Variants in ACSS2 observed in about 807,000 individuals in gnomAD.
The protein encoded by ACSS2 is acetyl-coenzyme A synthetase, cytoplasmic.
ACSS2 carries 58 observed loss-of-function variants against 90.6 expected under a neutral mutation model. The observed-to-expected ratio is 0.64, with a 90% CI of 0.52 to 0.80. ACSS2 has a LOEUF of 0.80. Among genes scored for constraint, ACSS2 ranks in the 30% least tolerant of loss-of-function variants. The pLI is 0.00. For missense variants in ACSS2, 759 were observed against 912.0 expected (o/e 0.83, Z 2.16); for synonymous variants, 300 against 330.9 (o/e 0.91, Z 1.01).
chr20:34,892,920 G>A (rs2146999883), intron 2 of ACSS2, among the ~76,000 whole-genome samples: 1 of 152,256 alleles, frequency 6.6e-6, no homozygotes, highest in South Asian at 2.1e-4. Context: ...GTGATACTGA[G>A]TCCACAGTCT....
intron 1 of ACSS2, among the ~76,000 whole-genome samples, chr20:34,881,555 A>G (rs1238806576): frequency 6.6e-6 from 1 of 152,162 alleles, no homozygotes; most frequent in Non-Finnish European, 1.5e-5. Context: ...TGCCCAGTTT[A>G]TGCATCAATT....
chr20:34,876,769 C>G lies in ACSS2; in HGVS notation c.124C>G (p.Pro42Ala). 2.1e-6 allele frequency: 3 copies of G among 1,413,070 alleles called. No individual in the cohort carries two copies. The highest frequency in any genetic ancestry group is 2.8e-6 in the Non-Finnish European group (3 of 1,074,238). 87.5% of individuals were successfully genotyped at this position (1,413,070 alleles called of 1,614,324 possible). The change falls in exon 1 of 18, where the codon CCC (proline) becomes GCC (alanine). Residue 42 changes from proline to alanine, a missense_variant. Physicochemically the swap from Pro to Ala is conservative, Grantham distance 27. Transcript: ENST00000360596. ...PPEVSRSAHV[P>A]SLQRYRELHR... ...CGAGGTCAGCCGCTCCGCGCACGTCCCCTCGCTGCAGCGCTACCGCGAGCT... is the reference window on the plus strand; with the variant it reads ...CGAGGTCAGCCGCTCCGCGCACGTCGCCTCGCTGCAGCGCTACCGCGAGCT...
chr20:34,877,835 A>T (rs2024634), intron 1 of ACSS2, among the ~76,000 whole-genome samples: 106 of 82,610 alleles, frequency 1.3e-3, no homozygotes, highest in East Asian at 1.9e-3. Context: ...AAAAAAAAAA[A>T]AAAAAAAAAA....
rs2081153756 is a variant in ACSS2, at chr20:34,919,637, A to G, written c.972+65A>G. ...TGTGTGTGTATTATGTAGGGGTAAG[A>G]AGTAAGTTTCTGAGGAAACAAGTAA... On this transcript the variant is annotated intron_variant, in intron 8 of 17. Coordinates refer to ENST00000360596, the MANE Select transcript of ACSS2 (RefSeq NM_018677.4). The G allele has an allele frequency of 2.6e-6, 4 of 1,514,210 alleles. No individual in the cohort carries two copies. In the Admixed American group the frequency reaches 6.1e-5, roughly 23 times the overall value. The allele number at this position is 1,514,210 out of a possible 1,614,324, so 93.8% of individuals were successfully genotyped here. A position where few individuals can be genotyped will look rare whatever the true frequency, so the allele number is the denominator to read the frequency against.
chr20:34,896,713 T>C (rs2080469677), intron 2 of ACSS2, among the ~76,000 whole-genome samples: 1 of 152,222 alleles, frequency 6.6e-6, no homozygotes, highest in African/African-American at 2.4e-5. Flanking sequence ...CATAGGACTC[T>C]AGTGCTAGAA....
chr20:34,875,393 A>C (rs975440245), upstream of ACSS2, among the ~76,000 whole-genome samples: 10 of 152,170 alleles, frequency 6.6e-5, no homozygotes, highest in Non-Finnish European at 1.0e-4. Context: ...ACATGGTGAA[A>C]TCCCATCTCT....
chr20:34,906,354 A>C lies in ACSS2; in HGVS notation c.375-6742A>C, dbSNP rs6120760. On this transcript the variant is annotated intron_variant, in intron 2 of 17. Transcript: ENST00000360596. ...CGTCTCAAAAAAAAAAAAAAAAAAGAGTTCTGATATCCTAGAGGGCTTGGG... is the reference window on the plus strand; with the variant it reads ...CGTCTCAAAAAAAAAAAAAAAAAAGCGTTCTGATATCCTAGAGGGCTTGGG... Among the ~76,000 whole-genome samples the C allele has an allele frequency of 1.2e-3, 173 of 146,768 alleles. 1 individual carries two copies. The highest frequency in any genetic ancestry group is 4.3e-3 in the African/African-American group (167 of 39,018).
upstream of ACSS2, among the ~76,000 whole-genome samples, chr20:34,876,281 C>T (rs996636441): frequency 1.4e-4 from 22 of 152,062 alleles, no homozygotes; most frequent in African/African-American, 4.8e-4. Flanking sequence ...CATGGGCCCA[C>T]CTCCTCTCCT....
chr20:34,917,792 G>A (rs889984707), intron 7 of ACSS2, among the ~76,000 whole-genome samples: 11 of 151,822 alleles, frequency 7.2e-5, no homozygotes, highest in Admixed American at 2.0e-4. Flanking sequence ...TCACTCTGTC[G>A]CTCAGGCTGA....
At chr20:34,883,137 A>T in intron 2 of ACSS2, 148 bp downstream of exon 2, 2 of 604,636 alleles carry the variant, frequency 3.3e-6, no homozygotes, top group Non-Finnish European at 5.7e-6. Flanking sequence ...CCTTCAGATC[A>T]CATAACTAGT....
intron 1 of ACSS2, among the ~76,000 whole-genome samples, chr20:34,882,437 C>A (rs1029107071): frequency 6.6e-6 from 1 of 152,084 alleles, no homozygotes; most frequent in Non-Finnish European, 1.5e-5. Context: ...GCCTGGCCAA[C>A]ATAGTGAAAC....
chr20:34,907,208 C>G (rs1286616666), intron 2 of ACSS2, among the ~76,000 whole-genome samples: 7 of 151,694 alleles, frequency 4.6e-5, no homozygotes. Flanking sequence ...ACCTCCATCT[C>G]CTGGGCTCAG....
chr20:34,906,601 A>G (rs1431407701), intron 2 of ACSS2, among the ~76,000 whole-genome samples: 1 of 152,064 alleles, frequency 6.6e-6, no homozygotes, highest in Non-Finnish European at 1.5e-5. Context: ...GTACTTGCAT[A>G]GGTTGTGCTT....
At chr20:34,882,061 G>C (rs1267174051) in intron 1 of ACSS2, among the ~76,000 whole-genome samples, 1 of 152,116 alleles carries the variant, frequency 6.6e-6, no homozygotes, top group African/African-American at 2.4e-5. Flanking sequence ...GAAAAAAATT[G>C]TACCTGATTT....
intron 2 of ACSS2, among the ~76,000 whole-genome samples, chr20:34,899,475 T>C (rs67719508): frequency 0.5 from 54,424 of 109,844 alleles, 13,278 homozygotes; most frequent in South Asian, 0.69. Context: ...TCCTTTCTTT[T>C]TCTTTCTTTT....
Position 34,920,601 on chromosome 20 carries a change from T to C in ACSS2, c.1035T>C (p.Phe345=). 1 of 1,614,264 alleles carries C rather than the reference T, an allele frequency of 6.2e-7. No homozygotes were observed. Among genetic ancestry groups the C allele is most frequent in the Non-Finnish European group, 8.5e-7 (1 of 1,180,042 alleles). The change falls in exon 9 of 18, where the codon TTT becomes TTC. Residue 345 remains phenylalanine, a synonymous_variant. Coordinates refer to ENST00000360596, the MANE Select transcript of ACSS2 (RefSeq NM_018677.4). ...LYVATTFKYV[F]DFHAEDVFWC... ...TAGCCACAACCTTCAAGTATGTGTT[T>C]GACTTCCATGCAGAGGATGTGTTCT...
Position 34,920,704 on chromosome 20 carries a change from G to A in ACSS2, c.1138G>A (p.Val380Ile), listed in dbSNP as rs1160300983. ...GCCACTGGCCAATGGTGCCACCAGTGTTTTGGTGAGAAGGGAGCCACCTGG... is the reference window on the plus strand; with the variant it reads ...GCCACTGGCCAATGGTGCCACCAGTATTTTGGTGAGAAGGGAGCCACCTGG... ...YGPLANGATS[V>I]LFEGIPTYPD... is the part of the protein sequence containing the mutation. Residue 380 changes from valine (V) to isoleucine (I), a missense_variant, in exon 9 of 18, where the codon GTT becomes ATT. Physicochemically the swap from Val to Ile is conservative, Grantham distance 29 (BLOSUM62 3). Coordinates refer to ENST00000360596, the MANE Select transcript of ACSS2 (RefSeq NM_018677.4). 2 of 1,610,782 alleles carry A rather than the reference G, an allele frequency of 1.2e-6. No homozygotes were observed. The highest frequency in any genetic ancestry group is 1.7e-6 in the Non-Finnish European group (2 of 1,178,180).
At chr20:34,883,998 C>T (rs1472537538) in intron 2 of ACSS2, among the ~76,000 whole-genome samples, 5 of 152,104 alleles carry the variant, frequency 3.3e-5, no homozygotes, top group African/African-American at 1.2e-4. Context: ...TGGAGAGCAG[C>T]GGCATGATCT....
chr20:34,925,674 A>G, intron 14 of ACSS2, 24 bp from the exon 15 acceptor site: 1 of 1,607,264 alleles, frequency 6.2e-7, no homozygotes, highest in Non-Finnish European at 8.5e-7. Flanking sequence ...GTTTTTATTT[A>G]TTAGGTTTTG....
Sources: gnomAD v4.1 joint callset for allele counts (sites outside exome capture counted in the v4.1 genomes callset) on GRCh38, gnomAD v4.1.1 for gene constraint, MANE v1.5 for transcripts, NCBI Gene and HGNC (gene_info 2026-07-23, HGNC 2026-07-21) for gene names.